The following LIMCH1 variants were observed in gnomAD, a reference collection of about 807,000 sequenced individuals.
The protein encoded by LIMCH1 is LIM and calponin homology domains-containing protein 1.
Under a neutral mutation model 176.5 loss-of-function variants are expected in LIMCH1, and 113 were observed. The observed-to-expected ratio is 0.64, with a 90% CI of 0.55 to 0.75. The LOEUF (loss-of-function observed/expected upper bound fraction) is 0.75, where lower values mean the gene tolerates loss of function less well. Among genes scored for constraint, LIMCH1 ranks in the 30% least tolerant of loss-of-function variants. The pLI is 0.00. For synonymous variants in LIMCH1, 619 were observed against 645.9 expected (o/e 0.96, Z 0.63); for missense variants, 1,674 against 1,814.9 (o/e 0.92, Z 1.41).
intron 1 of LIMCH1, among the ~76,000 whole-genome samples, chr4:41,561,541 G>T (rs2082066501): frequency 1.3e-5 from 2 of 152,104 alleles, no homozygotes; most frequent in Non-Finnish European, 2.9e-5. Context: ...TAAACATGGG[G>T]CTTTCAAGTC....
chr4:41,585,422 T>C (rs2086267670), intron 1 of LIMCH1, among the ~76,000 whole-genome samples: 1 of 152,246 alleles, frequency 6.6e-6, no homozygotes, highest in Non-Finnish European at 1.5e-5. Flanking sequence ...ATTGTATGTA[T>C]AGACCACATT....
At chr4:41,553,506 C>T (rs1406888017) in intron 1 of LIMCH1, among the ~76,000 whole-genome samples, 4 of 152,090 alleles carry the variant, frequency 2.6e-5, no homozygotes, top group Non-Finnish European at 4.4e-5. Context: ...CAAGATACCA[C>T]TAGACCAGTG....
intron 1 of LIMCH1, among the ~76,000 whole-genome samples, chr4:41,559,721 A>G (rs1354430876): frequency 6.6e-6 from 1 of 152,156 alleles, no homozygotes; most frequent in Non-Finnish European, 1.5e-5. Context: ...TTGGTCAGTC[A>G]CTACCTGAAA....
intron 4 of LIMCH1, chr4:41,612,228 G>T: frequency 3.3e-6 from 1 of 301,582 alleles, no homozygotes; most frequent in Non-Finnish European, 6.1e-6. Context: ...CAGAGGCTCA[G>T]GATATAATTG....
intron 1 of LIMCH1, among the ~76,000 whole-genome samples, chr4:41,491,651 G>GAT (rs1360745275): frequency 6.8e-6 from 1 of 146,080 alleles, no homozygotes; most frequent in African/African-American, 2.6e-5. Flanking sequence ...CTTCCCAGAC[G>GAT]GGGCGGCCAG....
chr4:41,627,163 G>T (rs2093022181), intron 8 of LIMCH1, among the ~76,000 whole-genome samples, 153 bp downstream of exon 8: 1 of 151,890 alleles, frequency 6.6e-6, no homozygotes, highest in Non-Finnish European at 1.5e-5. Flanking sequence ...TTGTAATGGG[G>T]GTTTATTTTG....
intron 5 of LIMCH1, among the ~76,000 whole-genome samples, chr4:41,617,902 TG>T (rs1357339167): frequency 6.6e-6 from 1 of 152,242 alleles, no homozygotes; most frequent in Non-Finnish European, 1.5e-5. Flanking sequence ...CCCCAAGCAC[TG>T]TACCAATAGT....
chr4:41,402,146 C>G (rs2058508958), intron 1 of LIMCH1, among the ~76,000 whole-genome samples: 1 of 152,080 alleles, frequency 6.6e-6, no homozygotes, highest in African/African-American at 2.4e-5. Context: ...AACAAACAAC[C>G]CCATCAAAAA....
Position 41,620,681 on chromosome 4 carries a change from G to A in LIMCH1, c.716G>A (p.Arg239His), listed in dbSNP as rs779131443. ...AGIKVMPAAQ[R>H]FASQKQLSEE... ...ATCAAGGTCATGCCAGCAGCACAGC[G>A]CTTTGCCAGGTCAGCTCTGGGCTGA... Residue 239 changes from arginine to histidine, a missense_variant, in exon 7 of 32, where the codon CGC becomes CAC. Arg to His is a conservative substitution (Grantham distance 29). This residue lies in a region of LIMCH1 where 655 missense variants were observed against 692.2 expected (regional missense o/e 0.95). Coordinates refer to ENST00000503057, the MANE Select transcript of LIMCH1 (RefSeq NM_001330672.2). 2.3e-5 allele frequency: 35 copies of A among 1,533,928 alleles called. No individual in the cohort carries two copies. Among genetic ancestry groups the A allele is most frequent in the South Asian group, 1.9e-4 (16 of 83,838 alleles).
Position 41,631,480 on chromosome 4 carries a change from A to AT in LIMCH1, c.1601+9dup. 1 of 1,500,954 alleles carries AT rather than the reference A, an allele frequency of 6.7e-7. No homozygotes were observed. The highest frequency in any genetic ancestry group is 8.8e-7 in the Non-Finnish European group (1 of 1,130,586). 93.0% of individuals were successfully genotyped at this position (1,500,954 alleles called of 1,614,324 possible). On this transcript the variant is annotated splice_donor_region_variant and intron_variant, in intron 10 of 31. Transcript: ENST00000503057. ...TTTAATCGACAAAATGACTGCAGGTATTTTTTGCCATACGTGTGCAAGGAT... is the reference window on the plus strand; with the variant it reads ...TTTAATCGACAAAATGACTGCAGGTATTTTTTTGCCATACGTGTGCAAGGAT...
At chr4:41,596,246 C>T (rs1238805424) in intron 1 of LIMCH1, among the ~76,000 whole-genome samples, 2 of 133,252 alleles carry the variant, frequency 1.5e-5, no homozygotes, top group Admixed American at 6.9e-5. Flanking sequence ...TACATGTAAA[C>T]GTACCAAATG....
chr4:41,437,474 A>G (rs1486429706), intron 1 of LIMCH1, among the ~76,000 whole-genome samples: 2 of 152,232 alleles, frequency 1.3e-5, no homozygotes, highest in African/African-American at 4.8e-5. Context: ...CCCAGATGGC[A>G]TTTGTAACAG....
At chr4:41,365,867 C>T (rs552609729) in intron 1 of LIMCH1, among the ~76,000 whole-genome samples, 36 of 152,344 alleles carry the variant, frequency 2.4e-4, no homozygotes, top group African/African-American at 7.9e-4. Context: ...CGGCATCTCC[C>T]TGGAAACCAG....
intron 1 of LIMCH1, among the ~76,000 whole-genome samples, chr4:41,447,818 T>G (rs2063438234): frequency 1.3e-5 from 2 of 151,880 alleles, no homozygotes; most frequent in Admixed American, 6.6e-5. Context: ...TGAGACAGGG[T>G]CTCCCTCTGT....
intron 6 of LIMCH1, 77 bp downstream of exon 6, chr4:41,619,517 G>T (rs1038792417): frequency 6.4e-7 from 1 of 1,558,306 alleles, no homozygotes; most frequent in East Asian, 2.3e-5. Context: ...GGACAGGAAC[G>T]AGGTTAAATG....
chr4:41,442,622 T>C (rs2062823568), intron 1 of LIMCH1, among the ~76,000 whole-genome samples: 1 of 152,216 alleles, frequency 6.6e-6, no homozygotes, highest in South Asian at 2.1e-4. Flanking sequence ...TTCAAACAGG[T>C]ACTCTCTCTC....
chr4:41,680,701 T>G (rs1202790494), intron 24 of LIMCH1, among the ~76,000 whole-genome samples: 1 of 152,224 alleles, frequency 6.6e-6, no homozygotes, highest in Non-Finnish European at 1.5e-5. Flanking sequence ...GCATTTCTAA[T>G]TAGGCTTCTT....
intron 1 of LIMCH1, among the ~76,000 whole-genome samples, chr4:41,388,153 A>G (rs2056740817): frequency 6.6e-6 from 1 of 152,210 alleles, no homozygotes; most frequent in African/African-American, 2.4e-5. Context: ...ACTTTTAGGT[A>G]GCTACCTTAG....
At chr4:41,676,900 C>T (rs1009329687) in intron 23 of LIMCH1, among the ~76,000 whole-genome samples, 1 of 151,856 alleles carries the variant, frequency 6.6e-6, no homozygotes, top group Admixed American at 6.6e-5. Context: ...TGGTGGCTCA[C>T]GACTGTAATC....
Sources: gnomAD v4.1 joint callset for allele counts (sites outside exome capture counted in the v4.1 genomes callset) on GRCh38, gnomAD v4.1.1 for gene constraint, gnomAD v4.1.1 regional missense constraint, MANE v1.5 for transcripts, NCBI Gene and HGNC (gene_info 2026-07-23, HGNC 2026-07-21) for gene names.